The following SF3B1 variants were observed in gnomAD, a reference collection of about 807,000 sequenced individuals.
SF3B1 encodes splicing factor 3b subunit 1.
In SF3B1, 12 loss-of-function variants were observed where a neutral mutation model predicts 153.8. That is an observed-to-expected ratio of 0.08 (90% confidence interval 0.05 to 0.13). The LOEUF is 0.13. Among genes scored for constraint, SF3B1 ranks in the 10% least tolerant of loss-of-function variants. SF3B1 has a pLI of 1.00. For missense variants in SF3B1, 513 were observed against 1,606.1 expected (o/e 0.32, Z 11.63); for synonymous variants, 498 against 525.2 (o/e 0.95, Z 0.71).
chr2:197,423,175 G>C (rs71422650), intron 2 of SF3B1, among the ~76,000 whole-genome samples: 70 of 151,984 alleles, frequency 4.6e-4, no homozygotes, highest in Admixed American at 8.5e-4. Context: ...TCACCTGAAG[G>C]CATGAGTTCC....
At chr2:197,407,957 G>C (rs1445934422) in intron 9 of SF3B1, 41 bp downstream of exon 9, 1 of 1,567,294 alleles carries the variant, frequency 6.4e-7, no homozygotes, top group South Asian at 1.1e-5. Flanking sequence ...TAAAATAAAT[G>C]TATATCCTAA....
chr2:197,401,595 C>T lies in SF3B1; in HGVS notation c.2371-70G>A, dbSNP rs925481121. 1.5e-5 allele frequency: 23 copies of T among 1,497,954 alleles called. No individual in the cohort carries two copies. Among genetic ancestry groups the T allele is most frequent in the Middle Eastern group, 1.7e-4 (1 of 5,804 alleles). The allele number at this position is 1,497,954 out of a possible 1,614,324, so 92.8% of individuals were successfully genotyped here. A position where few individuals can be genotyped will look rare whatever the true frequency, so the allele number is the denominator to read the frequency against. ...TGAAGAGAATACTCATTGCTGATTA[C>T]GTGATTTTAAAAAATAAAATTTAAA... On this transcript the variant is annotated intron_variant, in intron 16 of 24. Coordinates refer to ENST00000335508, the MANE Select transcript of SF3B1 (RefSeq NM_012433.4). This position sits in a 1 kb window ranked among gnomAD's most constrained non-coding sequence, Gnocchi z 4.2.
chr2:197,432,833 T>C (rs1188259762), intron 1 of SF3B1, among the ~76,000 whole-genome samples: 4 of 152,128 alleles, frequency 2.6e-5, no homozygotes, highest in African/African-American at 9.7e-5. Context: ...ACCACTGCAC[T>C]TCTGCCTGGG....
intron 1 of SF3B1, among the ~76,000 whole-genome samples, chr2:197,424,264 G>A (rs2085295059): frequency 6.6e-6 from 1 of 152,076 alleles, no homozygotes; most frequent in South Asian, 2.1e-4. Flanking sequence ...TTTGGGAGGA[G>A]GAGGTGGGCG....
At chr2:197,398,937 A>T in intron 20 of SF3B1, 2 of 693,448 alleles carry the variant, frequency 2.9e-6, no homozygotes, top group Non-Finnish European at 4.6e-6. Context: ...ACATGTAAAT[A>T]AAGCAAAAAT....
At chr2:197,394,917 A>T (rs1386974926) in intron 23 of SF3B1, among the ~76,000 whole-genome samples, 2 of 152,138 alleles carry the variant, frequency 1.3e-5, no homozygotes, top group Non-Finnish European at 2.9e-5. Context: ...AAAAAAAATG[A>T]GTTTCCACAC....
At chr2:197,405,203 A>C (rs773764319) in intron 10 of SF3B1, 26 bp from the exon 11 acceptor site, 9 of 1,599,424 alleles carry the variant, frequency 5.6e-6, no homozygotes, top group African/African-American at 4.0e-5. Context: ...AAAAATGTTA[A>C]GGGAAGTTGA....
chr2:197,419,184 C>A, intron 4 of SF3B1: 2 of 464,356 alleles, frequency 4.3e-6, no homozygotes, highest in South Asian at 9.0e-5. Context: ...GTTTTGTTGA[C>A]CCAGAAAACA....
At chr2:197,429,164 A>G (rs528949200) in intron 1 of SF3B1, among the ~76,000 whole-genome samples, 3 of 152,322 alleles carry the variant, frequency 2.0e-5, no homozygotes, top group South Asian at 2.1e-4. Flanking sequence ...TTGGACTCAT[A>G]GTTCAATACA....
intron 1 of SF3B1, among the ~76,000 whole-genome samples, chr2:197,424,874 T>C (rs1293897347): frequency 2.0e-5 from 3 of 152,342 alleles, no homozygotes; most frequent in Non-Finnish European, 2.9e-5. Context: ...AAAGCTTACT[T>C]GCTGGCCGGG....
At chr2:197,433,250 T>C (rs982429024) in intron 1 of SF3B1, among the ~76,000 whole-genome samples, 1 of 152,252 alleles carries the variant, frequency 6.6e-6, no homozygotes, top group Non-Finnish European at 1.5e-5. Flanking sequence ...TATTTTCTTA[T>C]GGTATCACTT....
chr2:197,410,205 G>A (rs12151767), intron 6 of SF3B1, among the ~76,000 whole-genome samples, 198 bp from the exon 7 acceptor site: 66,262 of 151,914 alleles, frequency 0.44, 14,878 homozygotes, highest in South Asian at 0.59. Flanking sequence ...ACAATGTAAA[G>A]TTTCAATCCG....
intron 1 of SF3B1, among the ~76,000 whole-genome samples, chr2:197,427,065 T>C (rs2085347177): frequency 6.6e-6 from 1 of 152,190 alleles, no homozygotes; most frequent in Non-Finnish European, 1.5e-5. Context: ...AACTATTGAT[T>C]TTATGTACCT....
chr2:197,431,255 T>C (rs1285986865), intron 1 of SF3B1, among the ~76,000 whole-genome samples: 1 of 151,964 alleles, frequency 6.6e-6, no homozygotes, highest in African/African-American at 2.4e-5. Flanking sequence ...GGAGCTGGGA[T>C]CACAGGCTCA....
chr2:197,435,011 G>GA lies in SF3B1; in HGVS notation c.-13dup. On this transcript the variant is annotated 5_prime_UTR_variant, in exon 1 of 25. Coordinates refer to ENST00000335508, the MANE Select transcript of SF3B1 (RefSeq NM_012433.4). ...GCGATCTTCGCCATTTTGTCCACTC[G>GA]AACACACAGACGGAACTGGCGCTCC... 1.2e-6 allele frequency: 2 copies of GA among 1,614,256 alleles called. No individual in the cohort carries two copies. The highest frequency in any genetic ancestry group is 1.7e-6 in the Non-Finnish European group (2 of 1,180,040).
intron 9 of SF3B1, 34 bp from the exon 10 acceptor site, chr2:197,405,506 T>G: frequency 6.8e-7 from 1 of 1,479,420 alleles, no homozygotes; most frequent in Non-Finnish European, 9.3e-7. Context: ...TAGGATTTTC[T>G]TAACTTAAAA....
At chr2:197,397,796 C>CA (rs1419961106) in intron 22 of SF3B1, among the ~76,000 whole-genome samples, 189 bp downstream of exon 22, 1,349 of 90,242 alleles carry the variant, frequency 0.015, 22 homozygotes, top group Admixed American at 0.065. Context: ...GACTCCGTCT[C>CA]AAAAAAAAAA....
At chr2:197,431,105 T>TTC in intron 1 of SF3B1, among the ~76,000 whole-genome samples, 3 of 17,870 alleles carry the variant, frequency 1.7e-4, no homozygotes, top group African/African-American at 1.2e-3. Context: ...CCTTTTCTTC[T>TTC]TTTTTTTTTT....
chr2:197,403,315 TG>T (rs1169061728), intron 12 of SF3B1, among the ~76,000 whole-genome samples: 1 of 152,210 alleles, frequency 6.6e-6, no homozygotes, highest in Non-Finnish European at 1.5e-5. Context: ...GTGAAAAAAC[TG>T]GTTCTTAATA....
Sources: allele counts gnomAD v4.1 joint callset (sites outside exome capture counted in the v4.1 genomes callset), GRCh38; gene constraint gnomAD v4.1.1; non-coding constraint Gnocchi (gnomAD v3.1); transcripts MANE v1.5; gene names NCBI Gene and HGNC (gene_info 2026-07-23, HGNC 2026-07-21).